SGCG: variants seen among roughly 807,000 people sequenced by gnomAD.
The protein encoded by SGCG is sarcoglycan gamma.
Under a neutral mutation model 29.3 loss-of-function variants are expected in SGCG, and 26 were observed. The observed-to-expected ratio is 0.89, with a 90% confidence interval of 0.65 to 1.23. The LOEUF (loss-of-function observed/expected upper bound fraction) is 1.23. Ranked by LOEUF, SGCG falls within the 50% of genes most tolerant of loss-of-function variation. The pLI is 0.00. For missense variants in SGCG, 353 were observed against 356.0 expected (o/e 0.99, Z 0.07); for synonymous variants, 145 against 129.7 (o/e 1.12, Z -0.80).
intron 2 of SGCG, among the ~76,000 whole-genome samples, chr13:23,219,050 G>T (rs1878550464): frequency 4.2e-5 from 6 of 143,774 alleles, no homozygotes; most frequent in Admixed American, 6.9e-5. Flanking sequence ...ATTTTTATGG[G>T]TTGTTTTTTT....
intron 6 of SGCG, among the ~76,000 whole-genome samples, chr13:23,300,809 TAAAAAAA>T (rs58050317): frequency 2.1e-4 from 26 of 122,476 alleles, no homozygotes; most frequent in African/African-American, 3.1e-4. Flanking sequence ...ACTAGTTTAC[TAAAAAAA>T]AAAAAAAAAA....
chr13:23,285,640 A>G (rs1226191079), intron 5 of SGCG, among the ~76,000 whole-genome samples: 1 of 152,072 alleles, frequency 6.6e-6, no homozygotes, highest in African/African-American at 2.4e-5. Context: ...CTGGCATTCC[A>G]GGTGCCACTG....
intron 3 of SGCG, among the ~76,000 whole-genome samples, chr13:23,239,094 C>G (rs1179287065): frequency 6.6e-6 from 1 of 152,014 alleles, no homozygotes. Context: ...ATGATAAAAT[C>G]TTTAAGCCTA....
chr13:23,277,661 A>AAAAAATTAT (rs1881134981), intron 4 of SGCG, among the ~76,000 whole-genome samples: 1 of 152,040 alleles, frequency 6.6e-6, no homozygotes, highest in African/African-American at 2.4e-5. Flanking sequence ...ACACACACAA[A>AAAAAATTAT]AAAAATTATA....
At chr13:23,238,656 C>T (rs1207400275) in intron 3 of SGCG, among the ~76,000 whole-genome samples, 1 of 152,138 alleles carries the variant, frequency 6.6e-6, no homozygotes, top group Non-Finnish European at 1.5e-5. Context: ...GTGATTTGCT[C>T]CATCCCAGAA....
chr13:23,252,621 G>A (rs1246367772), intron 4 of SGCG, among the ~76,000 whole-genome samples: 1 of 152,120 alleles, frequency 6.6e-6, no homozygotes, highest in Non-Finnish European at 1.5e-5. Context: ...AACCCGGGAG[G>A]CGGAGCTTGC....
At position 23,249,633 on chromosome 13, in the gene SGCG, T is replaced by A. The variant is rs542964916; in HGVS notation, c.298-997T>A. ...CGTACATGGTAAAATTGATTTTTTT[T>A]AAATCAATAGTAGAGTCAAATATTG... On this transcript the variant is annotated intron_variant, in intron 3 of 7. Transcript: ENST00000218867. 1.2e-4 allele frequency among the ~76,000 whole-genome samples: 19 copies of A among 152,324 alleles called. No homozygotes were observed. In the East Asian group the frequency reaches 1.3e-3, roughly 11 times the overall value.
intron 1 of SGCG, among the ~76,000 whole-genome samples, chr13:23,190,171 A>G (rs1413764631): frequency 1.3e-5 from 2 of 152,220 alleles, no homozygotes; most frequent in Non-Finnish European, 2.9e-5. Context: ...AAGTACATGA[A>G]CATTATAGAT....
chr13:23,263,723 A>G (rs1593205193), intron 4 of SGCG, among the ~76,000 whole-genome samples: 1 of 152,256 alleles, frequency 6.6e-6, no homozygotes, highest in Non-Finnish European at 1.5e-5. Flanking sequence ...GCACTCCAAG[A>G]AAATCATTCA....
Position 23,249,119 on chromosome 13 carries a change from CTT to C in SGCG, c.298-1509_298-1508del, listed in dbSNP as rs535959962. Among the ~76,000 whole-genome samples, 14 of 152,056 alleles carry C rather than the reference CTT, an allele frequency of 9.2e-5. 1 individual carries two copies. In the East Asian group the frequency reaches 1.7e-3, roughly 19 times the overall value. The stretch of plus-strand genomic sequence containing the variant: ...ATGCAAATGTGCAAAATTTGGGACA[CTT>C]TGTAAATAGTTTTCTACTTAAGTGA... On this transcript the variant is annotated intron_variant, in intron 3 of 7. Coordinates refer to ENST00000218867, the MANE Select transcript of SGCG (RefSeq NM_000231.3).
intron 2 of SGCG, among the ~76,000 whole-genome samples, chr13:23,222,939 C>T (rs978563079): frequency 6.6e-6 from 1 of 152,078 alleles, no homozygotes; most frequent in African/African-American, 2.4e-5. Context: ...TTATGACTAA[C>T]TCCTTATTCA....
At chr13:23,230,884 C>T (rs1288895862) in intron 2 of SGCG, among the ~76,000 whole-genome samples, 1 of 152,258 alleles carries the variant, frequency 6.6e-6, no homozygotes, top group Non-Finnish European at 1.5e-5. Context: ...AAGGGGACTG[C>T]TTCCAGCTTT....
intron 4 of SGCG, among the ~76,000 whole-genome samples, chr13:23,257,149 A>G (rs977575478): frequency 6.6e-6 from 1 of 151,934 alleles, no homozygotes. Flanking sequence ...GCATTTTTTC[A>G]TGTGTCTGTT....
At chr13:23,218,542 A>C (rs1878520770) in intron 2 of SGCG, among the ~76,000 whole-genome samples, 1 of 152,216 alleles carries the variant, frequency 6.6e-6, no homozygotes, top group South Asian at 2.1e-4. Context: ...GTAATGATAA[A>C]TATTAAATTC....
the SGCG span, among the ~76,000 whole-genome samples, chr13:23,165,964 A>G: frequency 2.4e-4 from 37 of 152,270 alleles, no homozygotes; most frequent in African/African-American, 8.4e-4. Flanking sequence ...TGATTTTCCA[A>G]ATAGGCAATC....
intron 5 of SGCG, among the ~76,000 whole-genome samples, chr13:23,284,396 T>A (rs1881419534): frequency 6.6e-6 from 1 of 152,192 alleles, no homozygotes; most frequent in Non-Finnish European, 1.5e-5. Context: ...ATTGATCAAT[T>A]CGGCTATTGA....
At chr13:23,268,743 C>T (rs1566023888) in intron 4 of SGCG, 1 of 152,490 alleles carries the variant, frequency 6.6e-6, no homozygotes, top group African/African-American at 2.4e-5. Flanking sequence ...CACCAGTTGC[C>T]TTCTAAGCCA....
chr13:23,284,539 TGGG>T (rs921221471), intron 5 of SGCG, among the ~76,000 whole-genome samples: 1 of 152,206 alleles, frequency 6.6e-6, no homozygotes, highest in African/African-American at 2.4e-5. Flanking sequence ...TTCCTTGCAT[TGGG>T]TTATAACATG....
At chr13:23,164,080 T>C in the SGCG span, among the ~76,000 whole-genome samples, 1 of 152,338 alleles carries the variant, frequency 6.6e-6, no homozygotes, top group Non-Finnish European at 1.5e-5. Flanking sequence ...GTCGCCTCAA[T>C]TGGTAACCAG....
Sources: allele counts gnomAD v4.1 joint callset (sites outside exome capture counted in the v4.1 genomes callset), GRCh38; gene constraint gnomAD v4.1.1; transcripts MANE v1.5; gene names NCBI Gene and HGNC (gene_info 2026-07-23, HGNC 2026-07-21).